The following SMO variants were observed in gnomAD, a reference collection of about 807,000 sequenced individuals.
The protein encoded by SMO is smoothened, frizzled class receptor.
A neutral mutation model predicts 81.6 loss-of-function variants in SMO; 40 were observed. The observed-to-expected ratio is 0.49, with a 90% confidence interval of 0.38 to 0.64. The LOEUF is 0.64. SMO is among the 30% of genes least tolerant of loss of function. The pLI is 0.00. For missense variants in SMO, 916 were observed against 1,061.1 expected, an observed-to-expected ratio of 0.86 and a Z score of 1.90; for synonymous variants, 434 against 432.1, an observed-to-expected ratio of 1.00 and a Z score of -0.05.
rs1179976638 is a variant in SMO, at chr7:129,205,796, G to A, written c.920+14G>A. Reference sequence around the variant, plus strand: ...TGGGGAGCCCACGTAGGTGTCTTGGGGACCCAGAGGTGAAGGTACAGGGAG... The same window carrying A: ...TGGGGAGCCCACGTAGGTGTCTTGGAGACCCAGAGGTGAAGGTACAGGGAG... On this transcript the variant is annotated intron_variant, in intron 4 of 11. Transcript: ENST00000249373. 6.3e-7 allele frequency: 1 copy of A among 1,598,328 alleles called. No homozygotes were observed. Among genetic ancestry groups the A allele is most frequent in the East Asian group, 2.2e-5 (1 of 44,720 alleles).
In SMO at chr7:129,212,034, G is replaced by C. The variant is rs1232694941; in HGVS notation, c.1947G>C (p.Glu649Asp). Residue 649 changes from glutamate to aspartate, a missense_variant, in exon 12 of 12, where the codon GAG (glutamate) becomes GAC (aspartate). Around this residue, in one of 4 missense-constraint regions of SMO, gnomAD observed 324 missense variants for 312.9 expected, o/e 1.04. Coordinates refer to ENST00000249373, the MANE Select transcript of SMO (RefSeq NM_005631.5). The surrounding 1 kb of genome is among the most constrained non-coding windows in gnomAD (Gnocchi z 5.0). ...CTCTCCTCCTGTCAGTGCCCCCAGA[G>C]GAACAAGCCAACCTGTGGCTGGTTG... ...VTPVATPVPP[E>D]EQANLWLVEA... The C allele has an allele frequency of 6.3e-7, 1 of 1,586,932 alleles. No homozygotes were observed. The highest frequency in any genetic ancestry group is 8.5e-7 in the Non-Finnish European group (1 of 1,173,208).
At position 129,210,310 on chromosome 7, in the gene SMO, A is replaced by G. The variant is rs1584665045; in HGVS notation, c.1467-53A>G. On this transcript the variant is annotated intron_variant, in intron 8 of 11. Coordinates refer to ENST00000249373, the MANE Select transcript of SMO (RefSeq NM_005631.5). This position sits in a 1 kb window ranked among gnomAD's most constrained non-coding sequence, Gnocchi z 4.7. ...ACAGAGCAAGATCCTATCTCAAAAA[A>G]AGAGAGAGGAAAAGAAAGGAAAGCC... 2 of 1,470,300 alleles carry G rather than the reference A, an allele frequency of 1.4e-6. No homozygotes were observed. Among genetic ancestry groups the G allele is most frequent in the East Asian group, 4.5e-5 (2 of 43,980 alleles). 91.1% of individuals were successfully genotyped at this position (1,470,300 alleles called of 1,614,324 possible).
Position 129,189,439 on chromosome 7 carries a change from G to C in SMO, c.288G>C (p.Ser96=), listed in dbSNP as rs1414045832. ...GATSTLLAGD[S]DSQEEAHGKL... is the part of the protein sequence containing the mutation. ...CCTCCACACTGCTGGCCGGAGACTC[G>C]GACTCCCAGGAGGAAGCGCACGGCA... Residue 96 remains serine (S), a synonymous_variant, in exon 1 of 12, where the codon TCG becomes TCC. Transcript: ENST00000249373. The surrounding 1 kb of genome is among the most constrained non-coding windows in gnomAD (Gnocchi z 4.7). 3 of 1,538,644 alleles carry C rather than the reference G, an allele frequency of 1.9e-6. No homozygotes were observed. In the African/African-American group the frequency reaches 4.1e-5, roughly 21 times the overall value.
intron 1 of SMO, among the ~76,000 whole-genome samples, chr7:129,190,967 A>AAAT (rs201261267): frequency 0.032 from 4,855 of 152,168 alleles, 155 homozygotes; most frequent in African/African-American, 0.074. Context: ...CAAAAGACTG[A>AAAT]AATAATAATA....
intron 7 of SMO, 87 bp from the exon 8 acceptor site, chr7:129,209,202 G>A: frequency 2.6e-6 from 2 of 781,858 alleles, no homozygotes; most frequent in South Asian, 3.0e-5. Context: ...GGTGAACTTT[G>A]AGGCCCAGTG....
intron 8 of SMO, chr7:129,209,782 T>G: frequency 4.9e-6 from 1 of 205,264 alleles, no homozygotes; most frequent in Non-Finnish European, 9.9e-6. Context: ...GTTAATGACC[T>G]GCTAATGTTG....
Position 129,205,370 on chromosome 7 carries a change from G to T in SMO, c.705G>T (p.Ala235=). Reference sequence around the variant, plus strand: ...ACCAGGACATGCACAGCTACATCGCGGCCTTCGGGGCCGTCACGGGCCTCT... The same window carrying T: ...ACCAGGACATGCACAGCTACATCGCTGCCTTCGGGGCCGTCACGGGCCTCT... ...AEHQDMHSYI[A]AFGAVTGLCT... is the part of the protein sequence containing the mutation. The change falls in exon 3 of 12, where the codon GCG becomes GCT. Residue 235 remains alanine, a synonymous_variant. Transcript: ENST00000249373. 6.2e-7 allele frequency: 1 copy of T among 1,612,742 alleles called. No homozygotes were observed. Among genetic ancestry groups the T allele is most frequent in the South Asian group, 1.1e-5 (1 of 90,840 alleles).
At chr7:129,193,922 A>G (rs939121802) in intron 1 of SMO, among the ~76,000 whole-genome samples, 1 of 146,012 alleles carries the variant, frequency 6.8e-6, no homozygotes, top group African/African-American at 2.5e-5. Context: ...CTGGGCAACA[A>G]AGTGAGACCC....
intron 1 of SMO, among the ~76,000 whole-genome samples, chr7:129,197,655 G>A (rs374538831): frequency 1.3e-5 from 2 of 151,940 alleles, no homozygotes. Context: ...TTTCCTGACC[G>A]TGTGATCCGC....
At position 129,189,461 on chromosome 7, in the gene SMO, G is replaced by C. The variant is rs2150638502; in HGVS notation, c.310G>C (p.Gly104Arg). The C allele has an allele frequency of 2.6e-6, 4 of 1,538,016 alleles. No homozygotes were observed. Among genetic ancestry groups the C allele is most frequent in the Non-Finnish European group, 3.5e-6 (4 of 1,146,812 alleles). Residue 104 changes from glycine to arginine, a missense_variant, in exon 1 of 12, where the codon GGC (glycine) becomes CGC (arginine). Gly to Arg is a moderately radical substitution (Grantham distance 125). Coordinates refer to ENST00000249373, the MANE Select transcript of SMO (RefSeq NM_005631.5). This position sits in a 1 kb window ranked among gnomAD's most constrained non-coding sequence, Gnocchi z 4.7. ...GDSDSQEEAH[G>R]KLVLWSGLRN... ...CTCGGACTCCCAGGAGGAAGCGCACGGCAAGCTCGTGCTCTGGTCGGGTAA... is the reference window on the plus strand; with the variant it reads ...CTCGGACTCCCAGGAGGAAGCGCACCGCAAGCTCGTGCTCTGGTCGGGTAA...
Position 129,206,700 on chromosome 7 carries a change from C to T in SMO, c.1264+113C>T. ...CCCATGCTGAAACCCCAGCTAGCTC[C>T]TATAGGGCCTTCACACAGTAGAAGG... On this transcript the variant is annotated intron_variant, in intron 6 of 11. Coordinates refer to ENST00000249373, the MANE Select transcript of SMO (RefSeq NM_005631.5). The surrounding 1 kb of genome is among the most constrained non-coding windows in gnomAD (Gnocchi z 4.4). 9.4e-7 allele frequency: 1 copy of T among 1,068,480 alleles called. No individual in the cohort carries two copies. Among genetic ancestry groups the T allele is most frequent in the Non-Finnish European group, 1.3e-6 (1 of 755,854 alleles). The allele number at this position is 1,068,480 out of a possible 1,614,324, so 66.2% of individuals were successfully genotyped here. A position where few individuals can be genotyped will look rare whatever the true frequency, so the allele number is the denominator to read the frequency against.
intron 7 of SMO, chr7:129,209,073 C>T: frequency 3.3e-6 from 2 of 611,100 alleles, no homozygotes; most frequent in Admixed American, 2.8e-5. Flanking sequence ...ACTGGTTCCT[C>T]CTGCCCACTA....
At chr7:129,194,644 TG>T (rs1227640243) in intron 1 of SMO, among the ~76,000 whole-genome samples, 2 of 152,328 alleles carry the variant, frequency 1.3e-5, no homozygotes, top group African/African-American at 4.8e-5. Flanking sequence ...ATTTCAGCTT[TG>T]CATGTTTTTG....
intron 1 of SMO, among the ~76,000 whole-genome samples, chr7:129,197,409 T>C (rs542817312): frequency 6.6e-6 from 1 of 152,178 alleles, no homozygotes; most frequent in Non-Finnish European, 1.5e-5. Context: ...ATTCTTTTGA[T>C]CATAGATGGA....
chr7:129,201,048 TA>T (rs1216269240), intron 1 of SMO, among the ~76,000 whole-genome samples: 1 of 151,942 alleles, frequency 6.6e-6, no homozygotes, highest in African/African-American at 2.4e-5. Context: ...ACACAACCTT[TA>T]TTTTTTTTAT....
In SMO at chr7:129,211,477, A is replaced by T. The variant is rs1793869026; in HGVS notation, c.1802-159A>T. ...GGGGACGTGAGGCCCTTCTCTTCAG[A>T]TTCTGAAGGGGTAGAGATCACCGTG... On this transcript the variant is annotated intron_variant, in intron 10 of 11. Transcript: ENST00000249373. This position sits in a 1 kb window ranked among gnomAD's most constrained non-coding sequence, Gnocchi z 4.6. The T allele has an allele frequency of 3.6e-6, 3 of 838,060 alleles. No individual in the cohort carries two copies. In the African/African-American group the frequency reaches 5.0e-5, roughly 14 times the overall value. 51.9% of individuals were successfully genotyped at this position (838,060 alleles called of 1,614,324 possible).
chr7:129,213,008 A>G lies in SMO; in HGVS notation c.*557A>G. 7.6e-6 allele frequency: 2 copies of G among 264,176 alleles called. No individual in the cohort carries two copies. The highest frequency in any genetic ancestry group is 1.0e-4 in the Admixed American group (2 of 19,116). The allele number at this position is 264,176 out of a possible 1,614,324, so 16.4% of individuals were successfully genotyped here. A position where few individuals can be genotyped will look rare whatever the true frequency, so the allele number is the denominator to read the frequency against. ...GGAAGGACCTGCTCCCACAGGGGCC[A>G]TGTCCTCTCTTAATAGGTGGCACTA... On this transcript the variant is annotated 3_prime_UTR_variant, in exon 12 of 12. Coordinates refer to ENST00000249373, the MANE Select transcript of SMO (RefSeq NM_005631.5).
chr7:129,195,911 C>A (rs1429580314), intron 1 of SMO, among the ~76,000 whole-genome samples: 2 of 151,948 alleles, frequency 1.3e-5, no homozygotes, highest in African/African-American at 2.4e-5. Context: ...ACCATCCTGG[C>A]TAACACGGTG....
chr7:129,212,107 A>G lies in SMO; in HGVS notation c.2020A>G (p.Lys674Glu), dbSNP rs1358600043. 1 of 1,570,648 alleles carries G rather than the reference A, an allele frequency of 6.4e-7. No individual in the cohort carries two copies. The highest frequency in any genetic ancestry group is 1.4e-5 in the African/African-American group (1 of 73,854). Residue 674 changes from lysine to glutamate, a missense_variant, in exon 12 of 12, where the codon AAG becomes GAG. Around this residue, in one of 4 missense-constraint regions of SMO, gnomAD observed 324 missense variants for 312.9 expected, o/e 1.04. Transcript: ENST00000249373. This position sits in a 1 kb window ranked among gnomAD's most constrained non-coding sequence, Gnocchi z 5.0. ...GCAGAAGCGCCTGGGCCGGAAGAAG[A>G]AGAGGAGGAAGAGGAAGAAGGAGGT... Reference protein sequence around the residue: ...ELQKRLGRKKKRRKRKKEVCP... With the variant: ...ELQKRLGRKKERRKRKKEVCP...
Sources: allele counts gnomAD v4.1 joint callset (sites outside exome capture counted in the v4.1 genomes callset), GRCh38; gene constraint gnomAD v4.1.1; regional missense constraint gnomAD v4.1.1; non-coding constraint Gnocchi (gnomAD v3.1); transcripts MANE v1.5; gene names NCBI Gene and HGNC (gene_info 2026-07-23, HGNC 2026-07-21).